The following NCKAP5L variants were observed in gnomAD, a reference collection of about 807,000 sequenced individuals.
NCKAP5L encodes the protein nck-associated protein 5-like.
NCKAP5L carries 54 observed loss-of-function variants against 103.2 expected under a neutral mutation model. The ratio of observed to expected loss-of-function variants is 0.52; its 90% CI spans 0.42 to 0.66. The LOEUF is 0.66. NCKAP5L is among the 30% of genes least tolerant of loss of function. The pLI, the probability that NCKAP5L is intolerant of heterozygous loss-of-function variation, is 0.00. For missense variants in NCKAP5L, 1,733 were observed against 1,750.6 expected, an observed-to-expected ratio of 0.99 and a Z score of 0.18; for synonymous variants, 762 against 748.6, an observed-to-expected ratio of 1.02 and a Z score of -0.29.
Position 49,825,014 on chromosome 12 carries a change from T to G in NCKAP5L, c.-99+3308A>C, listed in dbSNP as rs187580952. 9.9e-5 allele frequency among the ~76,000 whole-genome samples: 15 copies of G among 152,266 alleles called. No homozygotes were observed. The East Asian group carries it at 2.7e-3, about 27-fold the overall frequency. Reference sequence around the variant, plus strand: ...GCCAGGCTACCTCATGCATAAAACATTAACGCAGAATGGGACCATGTAAAA... The same window carrying G: ...GCCAGGCTACCTCATGCATAAAACAGTAACGCAGAATGGGACCATGTAAAA... On this transcript the variant is annotated intron_variant, in intron 1 of 12. Coordinates refer to ENST00000335999, the MANE Select transcript of NCKAP5L (RefSeq NM_001037806.4).
At position 49,792,564 on chromosome 12, in the gene NCKAP5L, G is replaced by GT; in HGVS notation, c.3673dup (p.Thr1225AsnfsTer16). The stretch of plus-strand genomic sequence containing the variant: ...GTTCTTGGCCAGCTGGACAGGAGGG[G>GT]TGGGGCCTGGGTCTTCACAGGGATC... On this transcript the variant is annotated frameshift_variant, in exon 12 of 13. Transcript: ENST00000335999. LOFTEE classifies it high-confidence loss of function. The surrounding 1 kb of genome is among the most constrained non-coding windows in gnomAD (Gnocchi z 4.5). 1 of 1,613,926 alleles carries GT rather than the reference G, an allele frequency of 6.2e-7. No homozygotes were observed. Among genetic ancestry groups the GT allele is most frequent in the South Asian group, 1.1e-5 (1 of 91,088 alleles).
intron 1 of NCKAP5L, among the ~76,000 whole-genome samples, chr12:49,820,986 G>A (rs1305521535): frequency 6.6e-6 from 1 of 152,222 alleles, no homozygotes; most frequent in African/African-American, 2.4e-5. Flanking sequence ...GCACAGGAGA[G>A]AAGAATATCC....
At chr12:49,811,106 A>T (rs1275970876) in intron 1 of NCKAP5L, among the ~76,000 whole-genome samples, 1 of 152,254 alleles carries the variant, frequency 6.6e-6, no homozygotes, top group Non-Finnish European at 1.5e-5. Flanking sequence ...TGCGAGCTCA[A>T]GAAGTTCCCT....
chr12:49,805,438 T>C (rs1946169162), intron 2 of NCKAP5L: 2 of 152,264 alleles, frequency 1.3e-5, no homozygotes, highest in South Asian at 4.1e-4. Flanking sequence ...TGAGTTCCAA[T>C]TTCTCTGCTA....
At chr12:49,807,174 T>G (rs1356914096) in intron 1 of NCKAP5L, among the ~76,000 whole-genome samples, 3 of 152,124 alleles carry the variant, frequency 2.0e-5, no homozygotes, top group African/African-American at 7.2e-5. Context: ...CCTCTTCTCT[T>G]CTATACCCCA....
Position 49,795,009 on chromosome 12 carries a change from G to T in NCKAP5L, c.2851C>A (p.Arg951=). The change falls in exon 8 of 13, where the codon CGG becomes AGG. Residue 951 remains arginine, a synonymous_variant. Coordinates refer to ENST00000335999, the MANE Select transcript of NCKAP5L (RefSeq NM_001037806.4). Reference sequence around the variant, plus strand: ...CGGGCTTCCATCTTGACTTCCCTCCGGAGCGGGGAGCCCCCGCCAGCCCCC... The same window carrying T: ...CGGGCTTCCATCTTGACTTCCCTCCTGAGCGGGGAGCCCCCGCCAGCCCCC... ...KEGAGGGSPL[R]REVKMEARKL... 1 of 1,601,882 alleles carries T rather than the reference G, an allele frequency of 6.2e-7. No homozygotes were observed. The highest frequency in any genetic ancestry group is 1.1e-5 in the South Asian group (1 of 89,498).
chr12:49,798,706 TCCCGAG>T (rs896801809), intron 6 of NCKAP5L, among the ~76,000 whole-genome samples: 2 of 152,098 alleles, frequency 1.3e-5, no homozygotes, highest in Non-Finnish European at 2.9e-5. Context: ...AACATGAATG[TCCCGAG>T]CCCAGAGGGC....
At position 49,814,180 on chromosome 12, in the gene NCKAP5L, ATG is replaced by A. The variant is rs1344634888; in HGVS notation, c.-98-8141_-98-8140del. The stretch of plus-strand genomic sequence containing the variant: ...TATATTTATATATATATATATATAT[ATG>A]ATTTGAAAATATTTTCTTCCAGCCG... On this transcript the variant is annotated intron_variant, in intron 1 of 12. Coordinates refer to ENST00000335999, the MANE Select transcript of NCKAP5L (RefSeq NM_001037806.4). Among the ~76,000 whole-genome samples, 3 of 138,596 alleles carry A rather than the reference ATG, an allele frequency of 2.2e-5. No individual in the cohort carries two copies. The East Asian group carries it at 6.5e-4, about 30-fold the overall frequency. The allele number at this position is 138,596 out of a possible 152,430, so 90.9% of individuals were successfully genotyped here.
chr12:49,814,916 G>A (rs1418673008), intron 1 of NCKAP5L, among the ~76,000 whole-genome samples: 7 of 152,162 alleles, frequency 4.6e-5, no homozygotes, highest in Non-Finnish European at 1.0e-4. Flanking sequence ...GAAGGGACTG[G>A]TCAACATTTT....
rs144718418 is a variant in NCKAP5L, at chr12:49,798,378, G to T, written c.437C>A (p.Pro146His). ...SSTEGPAAPL[P>H]LGHCAGQREV... Reference sequence around the variant, plus strand: ...TCTCTGCCCAGCACAGTGCCCCAGAGGCAGCGGGGCAGCCGGTCCCTCAGT... The same window carrying T: ...TCTCTGCCCAGCACAGTGCCCCAGATGCAGCGGGGCAGCCGGTCCCTCAGT... The change falls in exon 7 of 13, where the codon CCT becomes CAT. Residue 146 changes from proline to histidine, a missense_variant. Coordinates refer to ENST00000335999, the MANE Select transcript of NCKAP5L (RefSeq NM_001037806.4). 28 of 1,565,876 alleles carry T rather than the reference G, an allele frequency of 1.8e-5. No individual in the cohort carries two copies. Among genetic ancestry groups the T allele is most frequent in the Admixed American group, 1.3e-4 (7 of 52,544 alleles).
intron 1 of NCKAP5L, among the ~76,000 whole-genome samples, chr12:49,808,927 C>A (rs554100712): frequency 1.4e-4 from 21 of 152,258 alleles, no homozygotes; most frequent in Admixed American, 1.0e-3. Context: ...CTTCTCCCGC[C>A]GGAATTGCCA....
intron 1 of NCKAP5L, among the ~76,000 whole-genome samples, chr12:49,813,706 T>G (rs1946265939): frequency 6.6e-6 from 1 of 152,084 alleles, no homozygotes. Flanking sequence ...TTTTGTATTT[T>G]TAGTAGAGAT....
intron 1 of NCKAP5L, among the ~76,000 whole-genome samples, chr12:49,819,251 G>T (rs1013169711): frequency 6.6e-6 from 1 of 151,410 alleles, no homozygotes; most frequent in Admixed American, 6.6e-5. Context: ...GGTGGAGCTC[G>T]CAGTGAGCTG....
chr12:49,825,565 A>ACAGCTGCATCCTTCAGTCTGACAGTGAC lies in NCKAP5L; in HGVS notation c.-99+2729_-99+2756dup, dbSNP rs1271704754. 5.8e-4 allele frequency among the ~76,000 whole-genome samples: 88 copies of ACAGCTGCATCCTTCAGTCTGACAGTGAC among 152,320 alleles called. 1 individual carries two copies. Among genetic ancestry groups the ACAGCTGCATCCTTCAGTCTGACAGTGAC allele is most frequent in the African/African-American group, 2.0e-3 (83 of 41,568 alleles). Reference sequence around the variant, plus strand: ...AGGGAACAGCAGCTTCTGCCTAGTAACAGCTGCATCCTTCAGTCTGACAGT... The same window carrying ACAGCTGCATCCTTCAGTCTGACAGTGAC: ...AGGGAACAGCAGCTTCTGCCTAGTAACAGCTGCATCCTTCAGTCTGACAGTGACCAGCTGCATCCTTCAGTCTGACAGT... On this transcript the variant is annotated intron_variant, in intron 1 of 12. Coordinates refer to ENST00000335999, the MANE Select transcript of NCKAP5L (RefSeq NM_001037806.4).
At chr12:49,812,085 A>T (rs879914723) in intron 1 of NCKAP5L, among the ~76,000 whole-genome samples, 3 of 152,138 alleles carry the variant, frequency 2.0e-5, no homozygotes, top group Non-Finnish European at 4.4e-5. Context: ...CTGAAAGTGT[A>T]CAATTCAGTG....
chr12:49,796,258 C>T lies in NCKAP5L; in HGVS notation c.1602G>A (p.Gln534=). ...ACAAGGCTGACTGCGGGGGTCTGAG[C>T]TGTGTGGAGTCTGGGGTTGTGTAGC... ...SPCYTTPDST[Q]LRPPQSALST... Residue 534 remains glutamine, a synonymous_variant, in exon 8 of 13, where the codon CAG becomes CAA. Coordinates refer to ENST00000335999, the MANE Select transcript of NCKAP5L (RefSeq NM_001037806.4). 6.4e-7 allele frequency: 1 copy of T among 1,563,618 alleles called. No homozygotes were observed. Among genetic ancestry groups the T allele is most frequent in the Non-Finnish European group, 8.7e-7 (1 of 1,154,868 alleles).
In NCKAP5L at chr12:49,794,713, G is replaced by A. The variant is rs1422005105; in HGVS notation, c.3095+52C>T. Reference sequence around the variant, plus strand: ...CCAGACGCAGGTGTGCCCACGAAGGGAAAAGTGCCCCAAGCCCACCAAGCC... The same window carrying A: ...CCAGACGCAGGTGTGCCCACGAAGGAAAAAGTGCCCCAAGCCCACCAAGCC... On this transcript the variant is annotated intron_variant, in intron 8 of 12. Transcript: ENST00000335999. The A allele has an allele frequency of 2.2e-6, 3 of 1,378,326 alleles. No individual in the cohort carries two copies. In the African/African-American group the frequency reaches 4.5e-5, roughly 21 times the overall value. 85.4% of individuals were successfully genotyped at this position (1,378,326 alleles called of 1,614,324 possible).
chr12:49,810,493 G>C (rs879686970), intron 1 of NCKAP5L, among the ~76,000 whole-genome samples: 1 of 152,126 alleles, frequency 6.6e-6, no homozygotes, highest in African/African-American at 2.4e-5. Context: ...TCCCACAGTG[G>C]GGCCTAGGCA....
chr12:49,794,980 C>T lies in NCKAP5L; in HGVS notation c.2880G>A (p.Lys960=). The T allele has an allele frequency of 3.1e-6, 5 of 1,590,414 alleles. No individual in the cohort carries two copies. The highest frequency in any genetic ancestry group is 3.4e-6 in the Non-Finnish European group (4 of 1,169,124). Residue 960 remains lysine (K), a synonymous_variant, in exon 8 of 13, where the codon AAG becomes AAA. Transcript: ENST00000335999. ...AGATGTTGAGGCTCTCGGCCTCCAGCTTCCGGGCTTCCATCTTGACTTCCC... is the reference window on the plus strand; with the variant it reads ...AGATGTTGAGGCTCTCGGCCTCCAGTTTCCGGGCTTCCATCTTGACTTCCC... The part of the protein sequence containing the change: ...LRREVKMEAR[K]LEAESLNISK...
Sources: gnomAD v4.1 joint callset for allele counts (sites outside exome capture counted in the v4.1 genomes callset) on GRCh38, gnomAD v4.1.1 for gene constraint, Gnocchi (gnomAD v3.1) non-coding constraint, MANE v1.5 for transcripts, NCBI Gene and HGNC (gene_info 2026-07-23, HGNC 2026-07-21) for gene names.